MTMR3: variants seen among roughly 807,000 people sequenced by gnomAD.
MTMR3 encodes phosphatidylinositol-3,5-bisphosphate 3-phosphatase MTMR3.
Under a neutral mutation model 132.4 loss-of-function variants are expected in MTMR3, and 32 were observed. That is an observed-to-expected ratio of 0.24 (90% CI 0.18 to 0.32). MTMR3 has a LOEUF of 0.32. MTMR3 is among the 10% of genes least tolerant of loss of function. MTMR3 has a pLI of 1.00. For missense variants in MTMR3, 1,216 were observed against 1,489.6 expected, an observed-to-expected ratio of 0.82 and a Z score of 3.02; for synonymous variants, 556 against 550.3, an observed-to-expected ratio of 1.01 and a Z score of -0.14.
At chr22:29,967,040 G>T (rs909388835) in intron 2 of MTMR3, among the ~76,000 whole-genome samples, 2 of 151,966 alleles carry the variant, frequency 1.3e-5, no homozygotes, top group Admixed American at 6.6e-5. Context: ...TCTTTCAGGT[G>T]CCCCATCTTC....
chr22:30,016,445 T>A, intron 14 of MTMR3, 83 bp from the exon 15 acceptor site: 1 of 1,468,170 alleles, frequency 6.8e-7, no homozygotes, highest in Non-Finnish European at 9.3e-7. Context: ...TCAGGGATGT[T>A]AGGATAAGGT....
chr22:30,008,022 C>T lies in MTMR3; in HGVS notation c.999C>T (p.Cys333=), dbSNP rs111442841. The T allele has an allele frequency of 1.8e-5, 29 of 1,612,560 alleles. No homozygotes were observed. Among genetic ancestry groups the T allele is most frequent in the East Asian group, 4.5e-5 (2 of 44,888 alleles). Residue 333 remains cysteine (C), a synonymous_variant, in exon 11 of 20, where the codon TGC becomes TGT. Coordinates refer to ENST00000401950, the MANE Select transcript of MTMR3 (RefSeq NM_021090.4). ...CAAACCGAGCCAAAGGAGGAGGCTG[C>T]GAATGCCCAGGTGAGGTGTATGGTG... ...AVANRAKGGG[C]ECPEYYPNCE... is the part of the protein sequence containing the mutation.
At chr22:29,952,524 A>G (rs1044322471) in intron 1 of MTMR3, among the ~76,000 whole-genome samples, 2 of 152,140 alleles carry the variant, frequency 1.3e-5, no homozygotes, top group African/African-American at 4.8e-5. Context: ...ATAGGGAAAA[A>G]GTCACACTAG....
intron 1 of MTMR3, among the ~76,000 whole-genome samples, chr22:29,910,057 G>A (rs903253236): frequency 6.6e-6 from 1 of 151,894 alleles, no homozygotes; most frequent in Non-Finnish European, 1.5e-5. Context: ...CTCGCTACTC[G>A]GGAGGCTGAG....
chr22:29,976,459 G>T (rs1306690232), intron 3 of MTMR3, among the ~76,000 whole-genome samples: 2 of 152,076 alleles, frequency 1.3e-5, no homozygotes, highest in South Asian at 2.1e-4. Flanking sequence ...GCTTTACTTT[G>T]TGACACCGTA....
intron 14 of MTMR3, chr22:30,015,637 C>A (rs893896946): frequency 3.3e-5 from 5 of 152,182 alleles, no homozygotes; most frequent in African/African-American, 1.2e-4. Flanking sequence ...CCATCATCTC[C>A]TGCCCCAATT....
chr22:29,890,064 G>A (rs141190867), intron 1 of MTMR3, among the ~76,000 whole-genome samples: 2 of 151,494 alleles, frequency 1.3e-5, no homozygotes, highest in Admixed American at 6.6e-5. Flanking sequence ...ATGCCACCAC[G>A]CCCGGCTAAT....
At chr22:30,010,536 GGGGAATGGTAGGCTT>G (rs1028826656) in intron 12 of MTMR3, 1 of 152,260 alleles carries the variant, frequency 6.6e-6, no homozygotes, top group Non-Finnish European at 1.5e-5. Context: ...GTGGAGGATA[GGGGAATGGTAGGCTT>G]CTAGTGCAGG....
At chr22:29,905,360 C>T (rs2065074950) in intron 1 of MTMR3, among the ~76,000 whole-genome samples, 1 of 152,108 alleles carries the variant, frequency 6.6e-6, no homozygotes, top group Non-Finnish European at 1.5e-5. Context: ...CAGTTCAAAC[C>T]CCTGTTGTTC....
intron 1 of MTMR3, among the ~76,000 whole-genome samples, chr22:29,905,017 T>C (rs1436604988): frequency 6.6e-6 from 1 of 152,226 alleles, no homozygotes; most frequent in Non-Finnish European, 1.5e-5. Flanking sequence ...ACCAATTTGC[T>C]ATCCTCTGTT....
chr22:29,900,638 A>G (rs1432065777), intron 1 of MTMR3, among the ~76,000 whole-genome samples: 3 of 152,150 alleles, frequency 2.0e-5, no homozygotes, highest in Non-Finnish European at 2.9e-5. Flanking sequence ...AATTATCCCA[A>G]TTTTACTGAT....
Position 30,020,096 on chromosome 22 carries a change from C to T in MTMR3, c.2437C>T (p.Pro813Ser). Residue 813 changes from proline to serine, a missense_variant, in exon 17 of 20, where the codon CCA becomes TCA. Pro to Ser is a moderately conservative substitution (Grantham distance 74, BLOSUM62 -1). Transcript: ENST00000401950. ...TAGGGAGGAAGCAGTTCTTCCAATC[C>T]CAGTAGATGCAAAAGTTGGCTATGG... ...EGREEAVLPI[P>S]VDAKVGYGTS... 1 of 1,614,070 alleles carries T rather than the reference C, an allele frequency of 6.2e-7. No homozygotes were observed. Among genetic ancestry groups the T allele is most frequent in the South Asian group, 1.1e-5 (1 of 91,066 alleles).
At chr22:29,979,343 T>A (rs2066693102) in intron 5 of MTMR3, 1 of 243,998 alleles carries the variant, frequency 4.1e-6, no homozygotes, top group Non-Finnish European at 8.2e-6. Flanking sequence ...ATACAAAAAA[T>A]TAGCCGGGCG....
At chr22:30,016,444 TTAGGATAAGG>T (rs2067594519) in intron 14 of MTMR3, 74 bp from the exon 15 acceptor site, 15 of 1,459,746 alleles carry the variant, frequency 1.0e-5, no homozygotes, top group African/African-American at 1.4e-5. Flanking sequence ...CTCAGGGATG[TTAGGATAAGG>T]TGGCTCAGCT....
At chr22:29,917,232 A>G (rs1464746743) in intron 1 of MTMR3, among the ~76,000 whole-genome samples, 1 of 152,200 alleles carries the variant, frequency 6.6e-6, no homozygotes, top group Non-Finnish European at 1.5e-5. Context: ...GTCTGTTTTT[A>G]GTTGGGTCAT....
chr22:30,023,184 C>T (rs1184468964), intron 19 of MTMR3: 3 of 501,192 alleles, frequency 6.0e-6, no homozygotes. Flanking sequence ...AGGTTCCTGA[C>T]TTCTTTTTCC....
chr22:29,883,538 CA>C (rs2064597401), intron 1 of MTMR3, among the ~76,000 whole-genome samples, 179 bp downstream of exon 1: 1 of 152,052 alleles, frequency 6.6e-6, no homozygotes, highest in Non-Finnish European at 1.5e-5. Flanking sequence ...CTGTCGCCGC[CA>C]GGGGGAGGCG....
At chr22:29,984,158 AT>A (rs1490101066) in intron 5 of MTMR3, 1 of 151,934 alleles carries the variant, frequency 6.6e-6, no homozygotes, top group East Asian at 1.9e-4. Flanking sequence ...GTGCCCAGAT[AT>A]TCCACTTTAT....
chr22:29,974,330 A>C (rs1407396783), intron 3 of MTMR3, among the ~76,000 whole-genome samples: 1 of 152,216 alleles, frequency 6.6e-6, no homozygotes, highest in Non-Finnish European at 1.5e-5. Flanking sequence ...TGCTAAATTC[A>C]ACTGTTCAGC....
Sources: gnomAD v4.1 joint callset for allele counts (sites outside exome capture counted in the v4.1 genomes callset) on GRCh38, gnomAD v4.1.1 for gene constraint, MANE v1.5 for transcripts, NCBI Gene and HGNC (gene_info 2026-07-23, HGNC 2026-07-21) for gene names.